GALNTL6: variants seen among roughly 807,000 people sequenced by gnomAD.
GALNTL6 encodes the protein polypeptide N-acetylgalactosaminyltransferase-like 6.
A neutral mutation model predicts 73.7 loss-of-function variants in GALNTL6; 46 were observed. The ratio of observed to expected loss-of-function variants is 0.62; its 90% confidence interval spans 0.49 to 0.80. GALNTL6 has a LOEUF of 0.80. Among genes scored for constraint, GALNTL6 ranks in the 30% least tolerant of loss-of-function variants. The pLI, the probability that GALNTL6 is intolerant of heterozygous loss-of-function variation, is 0.00. For synonymous variants in GALNTL6, 259 were observed against 263.7 expected, an observed-to-expected ratio of 0.98 and a Z score of 0.17; for missense variants, 604 against 755.0, an observed-to-expected ratio of 0.80 and a Z score of 2.34.
chr4:172,623,086 T>C (rs1560840843), intron 5 of GALNTL6, among the ~76,000 whole-genome samples: 1 of 151,754 alleles, frequency 6.6e-6, no homozygotes, highest in Non-Finnish European at 1.5e-5. Context: ...CAATAAGAAG[T>C]GTGGGTGGCA....
intron 2 of GALNTL6, among the ~76,000 whole-genome samples, chr4:172,209,089 G>A (rs995451729): frequency 1.3e-5 from 2 of 151,962 alleles, no homozygotes; most frequent in African/African-American, 4.8e-5. Flanking sequence ...AAATTACAAG[G>A]ACGTCTAATT....
intron 5 of GALNTL6, among the ~76,000 whole-genome samples, chr4:172,779,761 G>A (rs11132969): frequency 0.45 from 68,450 of 152,078 alleles, 17,658 homozygotes; most frequent in East Asian, 0.72. Flanking sequence ...TGACAATGGA[G>A]AAAGATTTTC....
At chr4:172,863,677 AC>A (rs1179621445) in intron 7 of GALNTL6, among the ~76,000 whole-genome samples, 6 of 152,142 alleles carry the variant, frequency 3.9e-5, no homozygotes, top group Non-Finnish European at 8.8e-5. Flanking sequence ...CTCAGGTGAG[AC>A]TTTGAACTGT....
At chr4:171,853,456 G>A (rs1213639943) in intron 2 of GALNTL6, among the ~76,000 whole-genome samples, 1 of 148,022 alleles carries the variant, frequency 6.8e-6, no homozygotes, top group Middle Eastern at 3.3e-3. Context: ...TTTACTATGT[G>A]TTCATTCTTT....
chr4:172,946,936 G>A (rs545667302), intron 9 of GALNTL6, among the ~76,000 whole-genome samples: 191 of 152,200 alleles, frequency 1.3e-3, no homozygotes, highest in African/African-American at 4.5e-3. Context: ...ATGAATTGCC[G>A]GGCACGAAAA....
At chr4:171,918,361 A>T (rs1737687441) in intron 2 of GALNTL6, among the ~76,000 whole-genome samples, 1 of 152,150 alleles carries the variant, frequency 6.6e-6, no homozygotes, top group Admixed American at 6.6e-5. Context: ...TAAGCAAGAG[A>T]TACAGTAATA....
intron 5 of GALNTL6, among the ~76,000 whole-genome samples, chr4:172,381,696 T>C (rs1229923754): frequency 6.6e-6 from 1 of 152,254 alleles, no homozygotes. Context: ...ACATTTAGAT[T>C]GTTTCCACTT....
intron 2 of GALNTL6, among the ~76,000 whole-genome samples, chr4:172,221,619 A>T (rs1736678891): frequency 1.3e-5 from 2 of 151,648 alleles, no homozygotes; most frequent in East Asian, 3.9e-4. Flanking sequence ...TGAGAAAAAA[A>T]AGTTCTCAGA....
At chr4:172,128,040 G>A (rs535736655) in intron 2 of GALNTL6, among the ~76,000 whole-genome samples, 1 of 151,986 alleles carries the variant, frequency 6.6e-6, no homozygotes, top group Non-Finnish European at 1.5e-5. Context: ...GGGGGTGAAG[G>A]TTGCAGTGCA....
intron 5 of GALNTL6, among the ~76,000 whole-genome samples, chr4:172,531,423 A>G (rs542764967): frequency 1.3e-5 from 2 of 152,288 alleles, no homozygotes; most frequent in African/African-American, 4.8e-5. Flanking sequence ...CCCAGTGCAA[A>G]TGGAAAATGC....
intron 5 of GALNTL6, among the ~76,000 whole-genome samples, chr4:172,756,826 T>C (rs889773150): frequency 6.6e-6 from 1 of 152,174 alleles, no homozygotes; most frequent in African/African-American, 2.4e-5. Context: ...GTGTTTTGCA[T>C]TAAAGCAAAT....
chr4:173,029,516 T>G (rs988687848), intron 12 of GALNTL6, among the ~76,000 whole-genome samples: 3 of 152,222 alleles, frequency 2.0e-5, no homozygotes, highest in African/African-American at 7.2e-5. Flanking sequence ...AAGAATGTTG[T>G]CAACAAAGAA....
intron 5 of GALNTL6, among the ~76,000 whole-genome samples, chr4:172,454,586 T>C (rs1402132896): frequency 6.6e-6 from 1 of 152,204 alleles, no homozygotes; most frequent in Non-Finnish European, 1.5e-5. Flanking sequence ...ATTCTACTAG[T>C]TATGGAAAGA....
intron 2 of GALNTL6, among the ~76,000 whole-genome samples, chr4:172,097,265 T>A (rs1191836494): frequency 6.6e-6 from 1 of 152,242 alleles, no homozygotes; most frequent in Non-Finnish European, 1.5e-5. Flanking sequence ...TGAACTGGTT[T>A]TGAATGTTGA....
chr4:172,455,693 G>T (rs896990630), intron 5 of GALNTL6, among the ~76,000 whole-genome samples: 2 of 152,218 alleles, frequency 1.3e-5, no homozygotes, highest in Non-Finnish European at 2.9e-5. Context: ...TCTGAAAGAA[G>T]GCAGCAGCCA....
intron 10 of GALNTL6, among the ~76,000 whole-genome samples, chr4:172,970,435 T>G (rs917469049): frequency 6.6e-6 from 1 of 151,882 alleles, no homozygotes; most frequent in Non-Finnish European, 1.5e-5. Flanking sequence ...TTTATAGACC[T>G]CCCCCCAGGA....
At chr4:172,714,640 C>T (rs1344751082) in intron 5 of GALNTL6, among the ~76,000 whole-genome samples, 1 of 152,112 alleles carries the variant, frequency 6.6e-6, no homozygotes, top group African/African-American at 2.4e-5. Flanking sequence ...ATTGATGCCA[C>T]TTGTCTTTTT....
At chr4:172,939,986 A>G (rs769703822) in intron 9 of GALNTL6, among the ~76,000 whole-genome samples, 4 of 152,198 alleles carry the variant, frequency 2.6e-5, no homozygotes, top group Non-Finnish European at 4.4e-5. Context: ...AGAATCCCAC[A>G]TTACTTTTAA....
intron 5 of GALNTL6, among the ~76,000 whole-genome samples, chr4:172,658,980 T>C (rs1731229687): frequency 1.3e-5 from 2 of 152,350 alleles, no homozygotes; most frequent in South Asian, 4.1e-4. Context: ...TAAGAATGCA[T>C]GAAAAAGCAT....
Sources: allele counts gnomAD v4.1 joint callset (sites outside exome capture counted in the v4.1 genomes callset), GRCh38; gene constraint gnomAD v4.1.1; transcripts MANE v1.5; gene names NCBI Gene and HGNC (gene_info 2026-07-23, HGNC 2026-07-21).